The following TNKS variants were observed in gnomAD, a reference collection of about 807,000 sequenced individuals.
TNKS encodes tankyrase, also known as poly [ADP-ribose] polymerase tankyrase-1.
TNKS carries 72 observed loss-of-function variants against 135.8 expected under a neutral mutation model. That is an observed-to-expected ratio of 0.53 (90% CI 0.44 to 0.64). The LOEUF (loss-of-function observed/expected upper bound fraction) is 0.64. TNKS is among the 30% of genes least tolerant of loss of function. The pLI, the probability that TNKS is intolerant of heterozygous loss-of-function variation, is 0.00. For missense variants in TNKS, 1,769 were observed against 1,674.0 expected, an observed-to-expected ratio of 1.06 and a Z score of -0.99; for synonymous variants, 849 against 649.3, an observed-to-expected ratio of 1.31 and a Z score of -4.68.
At chr8:9,650,034 A>G (rs1363231391) in intron 3 of TNKS, among the ~76,000 whole-genome samples, 1 of 151,508 alleles carries the variant, frequency 6.6e-6, no homozygotes, top group East Asian at 1.9e-4. Context: ...CTGGGATTAC[A>G]GGCATGTGCC....
chr8:9,609,459 C>G (rs4573280), intron 2 of TNKS, among the ~76,000 whole-genome samples: 29,635 of 152,076 alleles, frequency 0.19, 3,136 homozygotes, highest in East Asian at 0.29. Flanking sequence ...GTGTGGGGAA[C>G]AGTCTCGTAA....
intron 17 of TNKS, among the ~76,000 whole-genome samples, chr8:9,744,647 A>G (rs541004374): frequency 3.8e-4 from 58 of 152,180 alleles, no homozygotes; most frequent in Admixed American, 2.4e-3. Flanking sequence ...CTAGTTCAAT[A>G]CTTTGCTCTT....
At chr8:9,638,124 G>A (rs1052335139) in intron 3 of TNKS, among the ~76,000 whole-genome samples, 3 of 152,094 alleles carry the variant, frequency 2.0e-5, no homozygotes, top group African/African-American at 7.2e-5. Flanking sequence ...ATGGGCGTAC[G>A]CCACTATAAC....
Position 9,752,638 on chromosome 8 carries a change from T to C in TNKS, c.3153+12T>C. On this transcript the variant is annotated intron_variant, in intron 20 of 26. Transcript: ENST00000310430. Reference sequence around the variant, plus strand: ...TTGAAACAGAACAGGTAAATACTCTTGTATATATTTGAGTCATTTAAATTA... The same window carrying C: ...TTGAAACAGAACAGGTAAATACTCTCGTATATATTTGAGTCATTTAAATTA... The C allele has an allele frequency of 6.4e-7, 1 of 1,552,860 alleles. No individual in the cohort carries two copies.
At position 9,720,475 on chromosome 8, in the gene TNKS, C is replaced by T. The variant is rs1468460188; in HGVS notation, c.1851C>T (p.Pro617=). The stretch of plus-strand genomic sequence containing the variant: ...TCCTGCTGAGTTACGGCTCTGACCC[C>T]TCCATCATCTCCTTACAAGGCTTCA... ...CRLLLSYGSD[P]SIISLQGFTA... is the part of the protein sequence containing the mutation. Residue 617 remains proline, a synonymous_variant, in exon 12 of 27, where the codon CCC becomes CCT. Transcript: ENST00000310430. 1 of 1,614,028 alleles carries T rather than the reference C, an allele frequency of 6.2e-7. No homozygotes were observed. The highest frequency in any genetic ancestry group is 1.3e-5 in the African/African-American group (1 of 74,926).
In TNKS at chr8:9,591,114, G is replaced by A. The variant is rs527736817; in HGVS notation, c.898+10731G>A. 7.2e-5 allele frequency among the ~76,000 whole-genome samples: 11 copies of A among 152,356 alleles called. No homozygotes were observed. In the East Asian group the frequency reaches 2.1e-3, roughly 29 times the overall value. ...AGGGTCCAACGTCATGCCTTTGCAT[G>A]TGGCTATCCAGTTTTCTCATTTAGT... is the stretch of plus-strand genomic sequence containing the variant. On this transcript the variant is annotated intron_variant, in intron 2 of 26. Coordinates refer to ENST00000310430, the MANE Select transcript of TNKS (RefSeq NM_003747.3).
At position 9,622,936 on chromosome 8, in the gene TNKS, T is replaced by C. The variant is rs113933821; in HGVS notation, c.994+7259T>C. ...TACAGACTATGGTTTTTCCTATATG[T>C]ACATACCTGTAATAAAGTTTAATTC... On this transcript the variant is annotated intron_variant, in intron 3 of 26. Transcript: ENST00000310430. Among the ~76,000 whole-genome samples the C allele has an allele frequency of 1.9e-3, 293 of 152,334 alleles. 3 individuals are homozygous for C. The highest frequency in any genetic ancestry group is 6.4e-3 in the African/African-American group (265 of 41,574).
At chr8:9,663,709 C>G (rs868748384) in intron 3 of TNKS, among the ~76,000 whole-genome samples, 5 of 152,108 alleles carry the variant, frequency 3.3e-5, no homozygotes, top group African/African-American at 1.2e-4. Context: ...CTAGTGGTGC[C>G]CACAGAACTC....
intron 11 of TNKS, 90 bp from the exon 12 acceptor site, chr8:9,720,284 A>G: frequency 8.7e-7 from 1 of 1,154,952 alleles, no homozygotes; most frequent in Non-Finnish European, 1.2e-6. Flanking sequence ...TTGAAAGTTG[A>G]TTTTTTTTTC....
intron 2 of TNKS, among the ~76,000 whole-genome samples, chr8:9,592,579 G>A: frequency 6.6e-6 from 1 of 152,138 alleles, no homozygotes; most frequent in East Asian, 1.9e-4. Flanking sequence ...ACTGAATCAG[G>A]TAAGGTGTGA....
intron 3 of TNKS, among the ~76,000 whole-genome samples, chr8:9,631,307 G>A (rs1800279536): frequency 1.3e-5 from 2 of 152,184 alleles, no homozygotes; most frequent in African/African-American, 2.4e-5. Context: ...CCATTTTAGG[G>A]TGTGTAGGCT....
intron 3 of TNKS, among the ~76,000 whole-genome samples, chr8:9,672,869 C>G (rs763177643): frequency 2.6e-5 from 4 of 152,050 alleles, no homozygotes. Context: ...TCCCTCCTTC[C>G]GTCTTCCTTT....
At chr8:9,618,595 G>A (rs1799741181) in intron 3 of TNKS, among the ~76,000 whole-genome samples, 1 of 152,146 alleles carries the variant, frequency 6.6e-6, no homozygotes, top group Non-Finnish European at 1.5e-5. Flanking sequence ...GTTTTAAATA[G>A]GGGTATGAAA....
intron 3 of TNKS, among the ~76,000 whole-genome samples, chr8:9,673,116 A>T (rs915110055): frequency 1.3e-5 from 2 of 152,136 alleles, no homozygotes; most frequent in African/African-American, 4.8e-5. Flanking sequence ...GATGGCTACA[A>T]TTGACACCAC....
intron 26 of TNKS, among the ~76,000 whole-genome samples, chr8:9,771,965 T>G (rs1411940368): frequency 0.027 from 236 of 8,900 alleles, no homozygotes; most frequent in Non-Finnish European, 0.034. Context: ...TGGGAGGGAG[T>G]GAGAGGGAGA....
rs148994103 is a variant in TNKS at position 9,727,021 on chromosome 8, T to C, written c.2001+301T>C. Among the ~76,000 whole-genome samples the C allele has an allele frequency of 8.6e-4, 131 of 152,356 alleles. 2 individuals are homozygous for C. Among genetic ancestry groups the C allele is most frequent in the African/African-American group, 3.1e-3 (127 of 41,588 alleles). On this transcript the variant is annotated intron_variant, in intron 13 of 26. Transcript: ENST00000310430. Reference sequence around the variant, plus strand: ...TCTTCAGGTTACATGAAAGCTCTTTTAATTTCACTTATATTAATTACAGTG... The same window carrying C: ...TCTTCAGGTTACATGAAAGCTCTTTCAATTTCACTTATATTAATTACAGTG...
At chr8:9,646,566 TC>T (rs1235574507) in intron 3 of TNKS, among the ~76,000 whole-genome samples, 1 of 152,190 alleles carries the variant, frequency 6.6e-6, no homozygotes, top group Non-Finnish European at 1.5e-5. Context: ...CATAACATGT[TC>T]CCTTTTAAGT....
chr8:9,580,383 G>C lies in TNKS; in HGVS notation c.898G>C (p.Val300Leu). The change falls in exon 2 of 27, where the codon GTG becomes CTG. Residue 300 changes from valine (V) to leucine (L), a missense_variant and splice_region_variant. Transcript: ENST00000310430. ...AIKGKIDVCI[V>L]LLQHGADPNI... ...TAAAGGGAAGATCGATGTGTGCATT[G>C]GTAAGTATCATTTGATGATATCTAA... 3 of 1,612,410 alleles carry C rather than the reference G, an allele frequency of 1.9e-6. No individual in the cohort carries two copies. Among genetic ancestry groups the C allele is most frequent in the Non-Finnish European group, 2.5e-6 (3 of 1,178,824 alleles).
chr8:9,567,261 A>G (rs960079975), intron 1 of TNKS, among the ~76,000 whole-genome samples: 2 of 152,162 alleles, frequency 1.3e-5, no homozygotes, highest in African/African-American at 4.8e-5. Flanking sequence ...TAAGTATGGT[A>G]TTGGAACATT....
Sources: gnomAD v4.1 joint callset for allele counts (sites outside exome capture counted in the v4.1 genomes callset) on GRCh38, gnomAD v4.1.1 for gene constraint, MANE v1.5 for transcripts, NCBI Gene and HGNC (gene_info 2026-07-23, HGNC 2026-07-21) for gene names.